Variants in UNC13C observed in about 807,000 individuals in gnomAD.
The protein encoded by UNC13C is unc-13 homolog C.
In UNC13C, 174 loss-of-function variants were observed where a neutral mutation model predicts 245.4. The ratio of observed to expected loss-of-function variants is 0.71; its 90% confidence interval spans 0.63 to 0.80. The LOEUF is 0.80. UNC13C is among the 30% of genes least tolerant of loss of function. UNC13C has a pLI of 0.00. For missense variants in UNC13C, 2,829 were observed against 2,602.9 expected, an observed-to-expected ratio of 1.09 and a Z score of -1.89; for synonymous variants, 992 against 895.1, an observed-to-expected ratio of 1.11 and a Z score of -1.93.
At chr15:54,176,374 C>A (rs2033615748) in intron 4 of UNC13C, among the ~76,000 whole-genome samples, 1 of 152,078 alleles carries the variant, frequency 6.6e-6, no homozygotes, top group South Asian at 2.1e-4. Flanking sequence ...TAACTTTTAA[C>A]TTAGGTTGTC....
chr15:54,421,595 T>C (rs1319502531), intron 19 of UNC13C, among the ~76,000 whole-genome samples: 1 of 152,058 alleles, frequency 6.6e-6, no homozygotes, highest in Non-Finnish European at 1.5e-5. Context: ...AAACTTCCAG[T>C]TGCACCTGAT....
intron 29 of UNC13C, among the ~76,000 whole-genome samples, chr15:54,562,620 C>A (rs1897341028): frequency 6.6e-6 from 1 of 152,014 alleles, no homozygotes; most frequent in Non-Finnish European, 1.5e-5. Context: ...AAAGAAAAAT[C>A]TGCTCTCCTG....
At chr15:54,561,305 A>G (rs1294320557) in intron 29 of UNC13C, among the ~76,000 whole-genome samples, 2 of 152,066 alleles carry the variant, frequency 1.3e-5, no homozygotes, top group Non-Finnish European at 2.9e-5. Context: ...ATGTTAACTT[A>G]TAACAGTGTA....
At chr15:54,175,712 A>T (rs2033592427) in intron 4 of UNC13C, among the ~76,000 whole-genome samples, 1 of 151,762 alleles carries the variant, frequency 6.6e-6, no homozygotes, top group Non-Finnish European at 1.5e-5. Context: ...GGGGTTTCAC[A>T]GCTCCACAGA....
At chr15:54,484,071 C>G (rs1265813864) in intron 19 of UNC13C, among the ~76,000 whole-genome samples, 1 of 84,822 alleles carries the variant, frequency 1.2e-5, no homozygotes, top group Non-Finnish European at 2.6e-5. Context: ...AATCAGAACT[C>G]TGGCTTCCCT....
At chr15:54,309,683 G>C (rs1319967458) in intron 13 of UNC13C, among the ~76,000 whole-genome samples, 1 of 151,758 alleles carries the variant, frequency 6.6e-6, no homozygotes, top group Admixed American at 6.6e-5. Context: ...TATTTTATAT[G>C]GTGTGGGATA....
chr15:54,321,982 C>T lies in UNC13C; in HGVS notation c.4312C>T (p.Pro1438Ser), dbSNP rs751553806. The T allele has an allele frequency of 2.5e-6, 4 of 1,586,760 alleles. No homozygotes were observed. In the East Asian group the frequency reaches 9.1e-5, roughly 36 times the overall value. Residue 1438 changes from proline to serine, a missense_variant, in exon 14 of 33, where the codon CCT becomes TCT. Transcript: ENST00000260323. ...LSSKYMCPGV[P>S]AVMSTLLANI... ...TTCTAAATACATGTGCCCCGGTGTCCCTGCCGTCATGAGCACCTTGCTGGC... is the reference window on the plus strand; with the variant it reads ...TTCTAAATACATGTGCCCCGGTGTCTCTGCCGTCATGAGCACCTTGCTGGC...
chr15:54,288,494 C>CTT (rs56040137), intron 10 of UNC13C, among the ~76,000 whole-genome samples: 5 of 146,720 alleles, frequency 3.4e-5, no homozygotes, highest in Admixed American at 1.4e-4. Context: ...TACTTGGAGT[C>CTT]TTTTTTTTTT....
intron 24 of UNC13C, among the ~76,000 whole-genome samples, chr15:54,521,458 T>G (rs1026733794): frequency 6.6e-6 from 1 of 152,224 alleles, no homozygotes; most frequent in Non-Finnish European, 1.5e-5. Context: ...TATTGAGCTA[T>G]CTGAAGAGTT....
chr15:54,609,739 T>G (rs1200416011), intron 30 of UNC13C, among the ~76,000 whole-genome samples: 1 of 152,174 alleles, frequency 6.6e-6, no homozygotes, highest in African/African-American at 2.4e-5. Flanking sequence ...AATTGTCCAG[T>G]CTCATGCTGC....
chr15:54,180,051 G>T (rs2033746600), intron 4 of UNC13C, among the ~76,000 whole-genome samples: 1 of 152,012 alleles, frequency 6.6e-6, no homozygotes, highest in Non-Finnish European at 1.5e-5. Flanking sequence ...ATACGTGCAG[G>T]TTCGTTACCT....
intron 10 of UNC13C, among the ~76,000 whole-genome samples, chr15:54,270,636 C>G (rs1315772989): frequency 6.6e-6 from 1 of 151,696 alleles, no homozygotes; most frequent in Admixed American, 6.6e-5. Flanking sequence ...AATAGTGAGG[C>G]CAAGGGAGAA....
chr15:54,588,283 C>T (rs1028936120), intron 30 of UNC13C, among the ~76,000 whole-genome samples: 1 of 152,152 alleles, frequency 6.6e-6, no homozygotes, highest in Admixed American at 6.5e-5. Flanking sequence ...TTGAACTTTC[C>T]CCTTAAATAT....
At chr15:54,575,739 G>C (rs577192400) in intron 30 of UNC13C, among the ~76,000 whole-genome samples, 1 of 152,320 alleles carries the variant, frequency 6.6e-6, no homozygotes, top group East Asian at 1.9e-4. Context: ...AAGCTTGTCA[G>C]AGATAATCAG....
At chr15:54,404,382 A>C (rs525961) in intron 18 of UNC13C, among the ~76,000 whole-genome samples, 8 of 151,940 alleles carry the variant, frequency 5.3e-5, no homozygotes, top group African/African-American at 1.9e-4. Flanking sequence ...AATAAATTGG[A>C]TTATTAAATT....
At chr15:54,047,242 T>A (rs1029469866) in intron 2 of UNC13C, among the ~76,000 whole-genome samples, 19 of 152,166 alleles carry the variant, frequency 1.2e-4, no homozygotes, top group Non-Finnish European at 2.2e-4. Flanking sequence ...GGTACATTTT[T>A]AAAATTATGA....
intron 11 of UNC13C, among the ~76,000 whole-genome samples, chr15:54,297,578 T>G (rs965686946): frequency 2.0e-5 from 3 of 151,968 alleles, no homozygotes; most frequent in African/African-American, 7.2e-5. Context: ...GGTCTCAAAC[T>G]CCTAGCATTA....
intron 2 of UNC13C, among the ~76,000 whole-genome samples, chr15:54,116,603 A>G (rs1370079495): frequency 6.6e-6 from 1 of 152,070 alleles, no homozygotes; most frequent in African/African-American, 2.4e-5. Flanking sequence ...GCAAATAACA[A>G]TATTTTATTC....
chr15:53,931,155 A>C, the UNC13C span, among the ~76,000 whole-genome samples: 3 of 151,852 alleles, frequency 2.0e-5, no homozygotes, highest in Admixed American at 6.6e-5. Flanking sequence ...TTATTTATTT[A>C]TTTTTATTTA....
Sources: gnomAD v4.1 joint callset for allele counts (sites outside exome capture counted in the v4.1 genomes callset) on GRCh38, gnomAD v4.1.1 for gene constraint, MANE v1.5 for transcripts, NCBI Gene and HGNC (gene_info 2026-07-23, HGNC 2026-07-21) for gene names.